SOCS7: variants seen among roughly 807,000 people sequenced by gnomAD.
SOCS7 encodes the protein suppressor of cytokine signaling 7, also known as NAP-4.
Under a neutral mutation model 58.9 loss-of-function variants are expected in SOCS7, and 18 were observed. The ratio of observed to expected loss-of-function variants is 0.31; its 90% CI spans 0.21 to 0.45. The LOEUF is 0.45. Ranked by LOEUF, SOCS7 falls within the 20% of genes least tolerant of loss-of-function variation. The probability of loss-of-function intolerance (pLI) is 1.00; values close to 1 mark genes in which losing one functional copy is unlikely to be tolerated. For synonymous variants in SOCS7, 388 were observed against 364.3 expected (o/e 1.06, Z -0.74); for missense variants, 667 against 837.3 (o/e 0.80, Z 2.51).
chr17:38,364,759 T>C lies in SOCS7; in HGVS notation c.1053T>C (p.Thr351=), dbSNP rs776200711. 6.2e-7 allele frequency: 1 copy of C among 1,614,034 alleles called. No homozygotes were observed. The highest frequency in any genetic ancestry group is 8.5e-7 in the Non-Finnish European group (1 of 1,179,922). The change falls in exon 3 of 10, where the codon ACT becomes ACC. Residue 351 remains threonine, a synonymous_variant. Coordinates refer to ENST00000612932, the MANE Select transcript of SOCS7 (RefSeq NM_014598.4). ...GCTCCATGAATCCCTCAGGTGAAAC[T>C]GTGTCGCTTGTGGATGTGGACATTT... ...VSFSPLFTGE[T]VSLVDVDISQ...
intron 7 of SOCS7, among the ~76,000 whole-genome samples, chr17:38,389,690 CTT>C (rs58329812): frequency 1.4e-4 from 18 of 124,816 alleles, no homozygotes; most frequent in Middle Eastern, 3.7e-3. Flanking sequence ...CCTATTCCAA[CTT>C]TTTTTTTTTT....
At chr17:38,394,079 C>G (rs764448289) in intron 7 of SOCS7, among the ~76,000 whole-genome samples, 8 of 152,218 alleles carry the variant, frequency 5.3e-5, no homozygotes, top group Non-Finnish European at 1.0e-4. Flanking sequence ...TCCATAGCCC[C>G]TTTGTTTATT....
chr17:38,371,040 G>GT (rs778392595), intron 6 of SOCS7, among the ~76,000 whole-genome samples: 4 of 152,194 alleles, frequency 2.6e-5, no homozygotes, highest in Non-Finnish European at 4.4e-5. Context: ...AAGTGATACT[G>GT]TAAGAGTAGG....
intron 5 of SOCS7, 55 bp downstream of exon 5, chr17:38,366,472 G>A: frequency 1.3e-6 from 2 of 1,593,040 alleles, no homozygotes; most frequent in Admixed American, 1.7e-5. Flanking sequence ...GCTAAATTCT[G>A]TATTCGGACA....
intron 9 of SOCS7, among the ~76,000 whole-genome samples, chr17:38,396,520 G>A (rs2038247380): frequency 6.6e-6 from 1 of 152,190 alleles, no homozygotes; most frequent in South Asian, 2.1e-4. Context: ...AGGAAAAACA[G>A]CCCACTCTTC....
chr17:38,371,718 A>G (rs2037868282), intron 6 of SOCS7, among the ~76,000 whole-genome samples: 1 of 132,338 alleles, frequency 7.6e-6, no homozygotes, highest in Non-Finnish European at 1.6e-5. Flanking sequence ...AAGTGCTGGG[A>G]TTACAGGTAT....
chr17:38,372,962 C>T (rs1461737322), intron 6 of SOCS7, among the ~76,000 whole-genome samples: 2 of 151,848 alleles, frequency 1.3e-5, no homozygotes, highest in African/African-American at 2.4e-5. Flanking sequence ...CAAAATTAGC[C>T]GTGTGTGGTG....
intron 9 of SOCS7, among the ~76,000 whole-genome samples, chr17:38,398,727 C>T (rs775394212): frequency 2.8e-4 from 43 of 152,094 alleles, no homozygotes; most frequent in Non-Finnish European, 5.3e-4. Flanking sequence ...TGTCTCAAGT[C>T]GGAAGGTGGA....
Position 38,365,607 on chromosome 17 carries a change from C to T in SOCS7, c.1252+198C>T. On this transcript the variant is annotated intron_variant, in intron 4 of 9. Coordinates refer to ENST00000612932, the MANE Select transcript of SOCS7 (RefSeq NM_014598.4). ...CCTAACCCGTTTTCTTTATGGAGGT[C>T]AATCTGATTTTTGTTAGGGATGAAA... 6.9e-6 allele frequency: 3 copies of T among 434,234 alleles called. No individual in the cohort carries two copies. In the East Asian group the frequency reaches 1.1e-4, roughly 16 times the overall value. 26.9% of individuals were successfully genotyped at this position (434,234 alleles called of 1,614,324 possible).
intron 1 of SOCS7, among the ~76,000 whole-genome samples, chr17:38,354,104 C>T (rs757313610): frequency 6.6e-6 from 1 of 152,172 alleles, no homozygotes; most frequent in Non-Finnish European, 1.5e-5. Flanking sequence ...TCCAGTGTTA[C>T]ATCTGTAGCG....
rs1213715266 is a variant in SOCS7 at position 38,377,657 on chromosome 17, C to T, written c.1553-57C>T. The T allele has an allele frequency of 7.2e-6, 11 of 1,524,882 alleles. No individual in the cohort carries two copies. In the Admixed American group the frequency reaches 1.8e-4, roughly 25 times the overall value. The allele number at this position is 1,524,882 out of a possible 1,614,324, so 94.5% of individuals were successfully genotyped here. A position where few individuals can be genotyped will look rare whatever the true frequency, so the allele number is the denominator to read the frequency against. On this transcript the variant is annotated intron_variant, in intron 6 of 9. Transcript: ENST00000612932. Reference sequence around the variant, plus strand: ...TCATAGTTAAAATATTCAAACCAGCCTCTCATGTCTTCTGAAGTAAGTTTT... The same window carrying T: ...TCATAGTTAAAATATTCAAACCAGCTTCTCATGTCTTCTGAAGTAAGTTTT...
rs748287819 is a variant in SOCS7, at chr17:38,361,762, C to T, written c.1032C>T (p.Ser344=). ...TQSAFSPVSF[S]PLFTGETVSL... ...GTGCCTTTTCTCCGGTCTCCTTCAG[C>T]CCCCTGTTCACAGGTAAGGGTAATA... Residue 344 remains serine, a synonymous_variant, in exon 2 of 10, where the codon AGC becomes AGT. Coordinates refer to ENST00000612932, the MANE Select transcript of SOCS7 (RefSeq NM_014598.4). The T allele has an allele frequency of 4.3e-6, 7 of 1,611,794 alleles. No individual in the cohort carries two copies. Among genetic ancestry groups the T allele is most frequent in the Admixed American group, 1.7e-5 (1 of 59,866 alleles).
chr17:38,371,615 C>T (rs1383338515), intron 6 of SOCS7, among the ~76,000 whole-genome samples: 2 of 149,008 alleles, frequency 1.3e-5, no homozygotes, highest in African/African-American at 2.5e-5. Flanking sequence ...CTGGCATGAA[C>T]CACCATGCCC....
intron 7 of SOCS7, among the ~76,000 whole-genome samples, chr17:38,386,116 A>G (rs575007214): frequency 2.8e-4 from 42 of 151,840 alleles, no homozygotes; most frequent in African/African-American, 9.9e-4. Flanking sequence ...CCTGAGGTCA[A>G]GAGTTTGAGA....
At position 38,352,530 on chromosome 17, in the gene SOCS7, C is replaced by T. The variant is rs771163047; in HGVS notation, c.478C>T (p.Pro160Ser). The change falls in exon 1 of 10, where the codon CCG becomes TCG. Residue 160 changes from proline to serine, a missense_variant. Physicochemically the swap from Pro to Ser is moderately conservative, Grantham distance 74 (BLOSUM62 -1). Coordinates refer to ENST00000612932, the MANE Select transcript of SOCS7 (RefSeq NM_014598.4). The surrounding 1 kb of genome is among the most constrained non-coding windows in gnomAD (Gnocchi z 5.5). The stretch of plus-strand genomic sequence containing the variant: ...TCAGCCGCCCCCTCCGCAGCCCCAG[C>T]CGCCTGCTGCCGCCCCGCAGGCCGG... Reference protein sequence around the residue: ...PPQPPPPQPQPPAAAPQAGED... With the variant: ...PPQPPPPQPQSPAAAPQAGED... 8.4e-6 allele frequency: 13 copies of T among 1,547,672 alleles called. No individual in the cohort carries two copies. Among genetic ancestry groups the T allele is most frequent in the South Asian group, 4.8e-5 (4 of 83,810 alleles).
At chr17:38,378,592 A>T (rs2037961378) in intron 7 of SOCS7, among the ~76,000 whole-genome samples, 1 of 152,202 alleles carries the variant, frequency 6.6e-6, no homozygotes. Flanking sequence ...GGGTTTGCCC[A>T]TGTTGTACTA....
At chr17:38,377,385 A>G (rs920051270) in intron 6 of SOCS7, among the ~76,000 whole-genome samples, 2 of 152,228 alleles carry the variant, frequency 1.3e-5, no homozygotes, top group Non-Finnish European at 1.5e-5. Context: ...GTAATGTTCA[A>G]CTGGTAAGTA....
intron 6 of SOCS7, among the ~76,000 whole-genome samples, chr17:38,368,337 C>T (rs952190357): frequency 6.6e-6 from 1 of 151,994 alleles, no homozygotes; most frequent in Non-Finnish European, 1.5e-5. Context: ...AGAAATGAGC[C>T]GGTAAAACTC....
intron 7 of SOCS7, among the ~76,000 whole-genome samples, chr17:38,392,259 A>T (rs1297121350): frequency 6.6e-6 from 1 of 152,242 alleles, no homozygotes; most frequent in Non-Finnish European, 1.5e-5. Flanking sequence ...AAAGTAATAC[A>T]ATTAAATAGG....
Sources: allele counts gnomAD v4.1 joint callset (sites outside exome capture counted in the v4.1 genomes callset), GRCh38; gene constraint gnomAD v4.1.1; non-coding constraint Gnocchi (gnomAD v3.1); transcripts MANE v1.5; gene names NCBI Gene and HGNC (gene_info 2026-07-23, HGNC 2026-07-21).